ARSD: variants seen among roughly 807,000 people sequenced by gnomAD.
ARSD encodes the protein arylsulfatase D.
ARSD carries 21 observed loss-of-function variants against 32.6 expected under a neutral mutation model. The ratio of observed to expected loss-of-function variants is 0.64; its 90% CI spans 0.46 to 0.93. The LOEUF (loss-of-function observed/expected upper bound fraction) is 0.93, where lower values mean the gene tolerates loss of function less well. Among genes scored for constraint, ARSD ranks in the 40% least tolerant of loss-of-function variants. ARSD has a pLI of 0.00. For synonymous variants in ARSD, 224 were observed against 237.4 expected, an observed-to-expected ratio of 0.94 and a Z score of 0.52; for missense variants, 454 against 520.9, an observed-to-expected ratio of 0.87 and a Z score of 1.25.
At chrX:2,913,973 T>C in intron 6 of ARSD, 1 of 317,199 alleles carries the variant, frequency 3.2e-6, no homozygotes, top group Non-Finnish European at 4.2e-6. Context: ...AGACGCCTGC[T>C]CCCCCTTCGC....
intron 9 of ARSD, chrX:2,908,003 G>A: frequency 1.3e-6 from 1 of 779,600 alleles, no homozygotes; most frequent in Non-Finnish European, 1.5e-6. Flanking sequence ...AAACAACCAT[G>A]ATATTTTAAA....
chrX:2,908,534 T>TTCC (rs1555904586), intron 9 of ARSD, among the ~76,000 whole-genome samples, 187 bp downstream of exon 9: 29 of 84,133 alleles, frequency 3.4e-4, no homozygotes, highest in Non-Finnish European at 2.9e-4. Flanking sequence ...TCTCTCTCTC[T>TTCC]CCCCCCCCCA....
intron 2 of ARSD, among the ~76,000 whole-genome samples, chrX:2,924,412 A>T (rs1298229309): frequency 8.8e-6 from 1 of 113,600 alleles, no homozygotes; most frequent in Non-Finnish European, 1.9e-5. Flanking sequence ...ACCGCTCCTG[A>T]GGTTGGCAGC....
Position 2,908,752 on chromosome X carries a change from A to T in ARSD, c.1389T>A (p.His463Gln). The T allele has an allele frequency of 8.3e-7, 1 of 1,205,950 alleles. No individual in the cohort carries two copies. The highest frequency in any genetic ancestry group is 1.7e-5 in the African/African-American group (1 of 57,431). Reference sequence around the variant, plus strand: ...TCTGGTGCCAGCGTGCTGCGTGAAGATGCTGCCCACAGTAATGAAACAGGA... The same window carrying T: ...TCTGGTGCCAGCGTGCTGCGTGAAGTTGCTGCCCACAGTAATGAAACAGGA... Reference protein sequence around the residue: ...HEFLFHYCGQHLHAARWHQKD... With the variant: ...HEFLFHYCGQQLHAARWHQKD... The change falls in exon 9 of 10, where the codon CAT (histidine) becomes CAA (glutamine). Residue 463 changes from histidine (H) to glutamine (Q), a missense_variant. By Grantham distance (24) the His-to-Gln change is conservative. Transcript: ENST00000381154.
intron 4 of ARSD, among the ~76,000 whole-genome samples, chrX:2,919,031 C>T (rs1397160252): frequency 1.8e-5 from 2 of 110,434 alleles, no homozygotes; most frequent in Non-Finnish European, 3.8e-5. Context: ...GCAGGAGAAT[C>T]GCTTGAACCC....
At chrX:2,908,630 TCATCCATC>T in intron 9 of ARSD, 83 bp downstream of exon 9, 15 of 886,822 alleles carry the variant, frequency 1.7e-5, no homozygotes, top group Non-Finnish European at 2.1e-5. Flanking sequence ...ATCCATCCAT[TCATCCATC>T]CATCCATCCA....
At chrX:2,926,178 T>C (rs1258019316) in intron 1 of ARSD, among the ~76,000 whole-genome samples, 2 of 111,955 alleles carry the variant, frequency 1.8e-5, no homozygotes, top group Admixed American at 9.5e-5. Flanking sequence ...AATTAAGATC[T>C]GAGTCCTGAA....
chrX:2,908,089 C>T (rs772110609), intron 9 of ARSD: 2 of 357,177 alleles, frequency 5.6e-6, no homozygotes, highest in East Asian at 4.2e-4. Context: ...TTTATCTTAC[C>T]CATCGATCTC....
At chrX:2,913,670 T>G in intron 6 of ARSD, 1 of 984,076 alleles carries the variant, frequency 1.0e-6, no homozygotes, top group Non-Finnish European at 1.3e-6. Context: ...TTGTCCGAAC[T>G]TTATTGCTTT....
chrX:2,907,238 G>T lies in ARSD; in HGVS notation c.*33C>A, dbSNP rs1421242052. ...AGAATTTTGTTTGCAACGCAGTCAGGCTCTCCTGGATCCTCTCTCACAGTC... is the reference window on the plus strand; with the variant it reads ...AGAATTTTGTTTGCAACGCAGTCAGTCTCTCCTGGATCCTCTCTCACAGTC... On this transcript the variant is annotated 3_prime_UTR_variant, in exon 10 of 10. Transcript: ENST00000381154. 1 of 1,161,142 alleles carries T rather than the reference G, an allele frequency of 8.6e-7. No individual in the cohort carries two copies. The highest frequency in any genetic ancestry group is 1.8e-5 in the African/African-American group (1 of 56,141).
intron 1 of ARSD, among the ~76,000 whole-genome samples, chrX:2,928,661 A>C (rs139978659): frequency 8.1e-5 from 6 of 74,401 alleles, no homozygotes; most frequent in African/African-American, 2.6e-4. Context: ...CCGTGCTGGA[A>C]GGCATCGAGC....
In ARSD at chrX:2,906,301, C is replaced by G. The variant is rs1424699655; in HGVS notation, c.*970G>C. ...TACAGCTGTGCGCCACGACATCTAG[C>G]TAATTATTTGTTTTTTGTAGAGATG... On this transcript the variant is annotated 3_prime_UTR_variant, in exon 10 of 10. Transcript: ENST00000381154. The G allele has an allele frequency of 9.0e-6, 1 of 110,612 alleles. No individual in the cohort carries two copies. 9.1% of individuals were successfully genotyped at this position (110,612 alleles called of 1,213,427 possible). A position where few individuals can be genotyped will look rare whatever the true frequency, so the allele number is the denominator to read the frequency against.
chrX:2,924,535 C>T (rs1236226797), intron 2 of ARSD, among the ~76,000 whole-genome samples: 1 of 113,287 alleles, frequency 8.8e-6, no homozygotes, highest in African/African-American at 3.2e-5. Flanking sequence ...AGCACGTGAG[C>T]ACCACTCAAG....
rs1285940041 is a variant in ARSD, at chrX:2,913,586, C to T, written c.1000+1970G>A. 15 of 1,000,291 alleles carry T rather than the reference C, an allele frequency of 1.5e-5. No homozygotes were observed. The African/African-American group carries it at 2.2e-4, about 14-fold the overall frequency. 82.4% of individuals were successfully genotyped at this position (1,000,291 alleles called of 1,213,427 possible). A position where few individuals can be genotyped will look rare whatever the true frequency, so the allele number is the denominator to read the frequency against. On this transcript the variant is annotated intron_variant, in intron 6 of 9. Coordinates refer to ENST00000381154, the MANE Select transcript of ARSD (RefSeq NM_001669.4). ...GCAAGGATTTTAATATCTACACTCT[C>T]TTAAGAATCTGCAGCCTCGTTGGTC... is the stretch of plus-strand genomic sequence containing the variant.
chrX:2,914,569 T>C, intron 6 of ARSD: 1 of 1,012,017 alleles, frequency 9.9e-7, no homozygotes. Context: ...GACTGTGAAC[T>C]CTATCACGAT....
At chrX:2,913,781 G>C (rs1307324209) in intron 6 of ARSD, 8 of 894,397 alleles carry the variant, frequency 8.9e-6, no homozygotes, top group Non-Finnish European at 9.9e-6. Flanking sequence ...ATGTGGAATT[G>C]TCATCCTCAG....
rs750434566 is a variant in ARSD at position 2,905,615 on chromosome X, C to T, written c.*1656G>A. The T allele has an allele frequency of 8.8e-6, 1 of 113,156 alleles. No homozygotes were observed. The highest frequency in any genetic ancestry group is 3.6e-4 in the South Asian group (1 of 2,747). The allele number at this position is 113,156 out of a possible 1,213,427, so 9.3% of individuals were successfully genotyped here. A position where few individuals can be genotyped will look rare whatever the true frequency, so the allele number is the denominator to read the frequency against. ...CCAAGGGGCAAACTTTCCATCAGGGCATCTTCTGTGCCTCTGAGGATCATT... is the reference window on the plus strand; with the variant it reads ...CCAAGGGGCAAACTTTCCATCAGGGTATCTTCTGTGCCTCTGAGGATCATT... On this transcript the variant is annotated 3_prime_UTR_variant, in exon 10 of 10. Transcript: ENST00000381154.
intron 9 of ARSD, chrX:2,908,031 T>C: frequency 1.5e-6 from 1 of 665,021 alleles, no homozygotes; most frequent in Non-Finnish European, 1.8e-6. Context: ...ATTGGGTACT[T>C]ATCTATCTAT....
intron 6 of ARSD, among the ~76,000 whole-genome samples, chrX:2,911,884 C>G (rs1603461063): frequency 9.0e-6 from 1 of 110,923 alleles, no homozygotes; most frequent in Admixed American, 9.6e-5. Flanking sequence ...GCCTGTCATC[C>G]CAGCACTTTG....
Sources: allele counts gnomAD v4.1 joint callset (sites outside exome capture counted in the v4.1 genomes callset), GRCh38; gene constraint gnomAD v4.1.1; transcripts MANE v1.5; gene names NCBI Gene and HGNC (gene_info 2026-07-23, HGNC 2026-07-21).